ZNF804B: variants seen among roughly 807,000 people sequenced by gnomAD.
The protein encoded by ZNF804B is zinc finger protein 804B, also known as zinc finger 804B.
ZNF804B carries 80 observed loss-of-function variants against 101.4 expected under a neutral mutation model. That is an observed-to-expected ratio of 0.79 (90% CI 0.66 to 0.95). The LOEUF is 0.95. ZNF804B is among the 40% of genes least tolerant of loss of function. The pLI, the probability that ZNF804B is intolerant of heterozygous loss-of-function variation, is 0.00. For synonymous variants in ZNF804B, 622 were observed against 558.8 expected (o/e 1.11, Z -1.59); for missense variants, 1,673 against 1,561.9 (o/e 1.07, Z -1.20).
chr7:88,961,435 C>G (rs375821927), intron 1 of ZNF804B, among the ~76,000 whole-genome samples: 6 of 151,458 alleles, frequency 4.0e-5, no homozygotes, highest in African/African-American at 1.4e-4. Context: ...TGATTGCTGT[C>G]CTGCACTTCA....
intron 1 of ZNF804B, among the ~76,000 whole-genome samples, chr7:88,879,082 AG>A (rs1324318826): frequency 6.6e-6 from 1 of 152,230 alleles, no homozygotes. Context: ...CAGTATAAAA[AG>A]GACCAAGTGG....
intron 2 of ZNF804B, among the ~76,000 whole-genome samples, chr7:89,293,566 C>T (rs1409673753): frequency 6.6e-6 from 1 of 151,956 alleles, no homozygotes; most frequent in East Asian, 1.9e-4. Flanking sequence ...AGGCAGATCA[C>T]GAGGTCAGGA....
chr7:88,963,201 A>G (rs1307965527), intron 1 of ZNF804B, among the ~76,000 whole-genome samples: 1 of 151,272 alleles, frequency 6.6e-6, no homozygotes, highest in Non-Finnish European at 1.5e-5. Flanking sequence ...TGAAAGGGGC[A>G]CTGAATAGCC....
chr7:88,808,436 A>G (rs900443339), intron 1 of ZNF804B, among the ~76,000 whole-genome samples: 3 of 150,970 alleles, frequency 2.0e-5, no homozygotes, highest in Admixed American at 6.6e-5. Context: ...TTTTTTAAGT[A>G]GGTCTTCTTT....
intron 1 of ZNF804B, among the ~76,000 whole-genome samples, chr7:88,981,812 G>A (rs1008699801): frequency 4.6e-5 from 7 of 151,902 alleles, no homozygotes; most frequent in African/African-American, 7.2e-5. Flanking sequence ...CTCTCCTCCC[G>A]CAAGCATATA....
At chr7:89,076,793 G>C (rs1423293102) in intron 1 of ZNF804B, among the ~76,000 whole-genome samples, 4 of 152,076 alleles carry the variant, frequency 2.6e-5, no homozygotes, top group African/African-American at 9.7e-5. Flanking sequence ...AAACTGAAAG[G>C]GTGGATAAAA....
intron 1 of ZNF804B, among the ~76,000 whole-genome samples, chr7:89,137,567 G>A (rs996922164): frequency 1.3e-5 from 2 of 152,024 alleles, no homozygotes; most frequent in African/African-American, 4.8e-5. Flanking sequence ...GGTATCTGGT[G>A]GAAGAAATTT....
At chr7:89,203,414 A>C (rs1788674013) in intron 1 of ZNF804B, among the ~76,000 whole-genome samples, 1 of 152,194 alleles carries the variant, frequency 6.6e-6, no homozygotes, top group Admixed American at 6.5e-5. Flanking sequence ...GACAAGCATA[A>C]GTAGTTTATA....
intron 1 of ZNF804B, among the ~76,000 whole-genome samples, chr7:88,922,149 C>A (rs965790087): frequency 5.9e-5 from 9 of 151,828 alleles, no homozygotes; most frequent in African/African-American, 2.2e-4. Context: ...CCTATTAGTC[C>A]CATTCTGTTA....
chr7:89,220,047 A>ACATATATGTG (rs1788971107), intron 2 of ZNF804B, among the ~76,000 whole-genome samples: 4 of 38,762 alleles, frequency 1.0e-4, no homozygotes, highest in African/African-American at 2.4e-4. Flanking sequence ...ATATATGTGC[A>ACATATATGTG]TATATACATA....
In ZNF804B at chr7:89,336,802, AC is replaced by A; in HGVS notation, c.3825del (p.Phe1276SerfsTer6). 2 of 1,613,740 alleles carry A rather than the reference AC, an allele frequency of 1.2e-6. No individual in the cohort carries two copies. The highest frequency in any genetic ancestry group is 4.5e-5 in the East Asian group (2 of 44,864). On this transcript the variant is annotated frameshift_variant, in exon 4 of 4. Transcript: ENST00000333190. LOFTEE classifies it high-confidence loss of function. ...AGHPLHLVAA[T>X]PFHPSHITLQ... ...TCATCCCCTGCATTTAGTAGCTGCT[AC>A]CCCCTTCCACCCATCTCACATAACA...
At chr7:89,133,420 C>A (rs1412063543) in intron 1 of ZNF804B, among the ~76,000 whole-genome samples, 1 of 151,996 alleles carries the variant, frequency 6.6e-6, no homozygotes, top group Non-Finnish European at 1.5e-5. Context: ...CACAAGGGAC[C>A]TAGGTTCCTT....
intron 1 of ZNF804B, among the ~76,000 whole-genome samples, chr7:89,150,655 A>C (rs1414826722): frequency 6.6e-6 from 1 of 152,150 alleles, no homozygotes; most frequent in Non-Finnish European, 1.5e-5. Flanking sequence ...TAAAAATTAT[A>C]TTTCCATTTT....
At chr7:88,987,853 A>G (rs544803575) in intron 1 of ZNF804B, among the ~76,000 whole-genome samples, 2 of 152,018 alleles carry the variant, frequency 1.3e-5, no homozygotes, top group Non-Finnish European at 2.9e-5. Flanking sequence ...GCTGGATCTT[A>G]TTCGTTGTAA....
intron 2 of ZNF804B, among the ~76,000 whole-genome samples, chr7:89,320,541 A>G (rs1178995064): frequency 6.6e-6 from 1 of 152,128 alleles, no homozygotes; most frequent in Non-Finnish European, 1.5e-5. Flanking sequence ...ACAGTATAAA[A>G]TCATTTAGCA....
chr7:89,298,686 T>C (rs1452454559), intron 2 of ZNF804B, among the ~76,000 whole-genome samples: 2 of 151,986 alleles, frequency 1.3e-5, no homozygotes, highest in African/African-American at 4.8e-5. Context: ...AAAGCTTCTT[T>C]GTAACTTTTT....
intron 2 of ZNF804B, among the ~76,000 whole-genome samples, chr7:89,229,943 C>T (rs1259546646): frequency 1.3e-5 from 2 of 151,954 alleles, no homozygotes; most frequent in Non-Finnish European, 2.9e-5. Flanking sequence ...ATTAAAAACA[C>T]ACGAATTAAA....
At chr7:88,875,067 C>T (rs1791906526) in intron 1 of ZNF804B, among the ~76,000 whole-genome samples, 1 of 131,968 alleles carries the variant, frequency 7.6e-6, no homozygotes, top group African/African-American at 3.2e-5. Flanking sequence ...CTACTGGGTA[C>T]ATAACGAAAT....
intron 1 of ZNF804B, among the ~76,000 whole-genome samples, chr7:88,916,353 T>G (rs536367419): frequency 3.3e-5 from 5 of 152,206 alleles, no homozygotes; most frequent in African/African-American, 1.2e-4. Context: ...TAAATAAAAT[T>G]ATGATTATAA....
Sources: gnomAD v4.1 joint callset for allele counts (sites outside exome capture counted in the v4.1 genomes callset) on GRCh38, gnomAD v4.1.1 for gene constraint, MANE v1.5 for transcripts, NCBI Gene and HGNC (gene_info 2026-07-23, HGNC 2026-07-21) for gene names.